TASP1: variants seen among roughly 807,000 people sequenced by gnomAD.
TASP1 encodes threonine aspartase 1.
In TASP1, 16 loss-of-function variants were observed where a neutral mutation model predicts 56.6. That is an observed-to-expected ratio of 0.28 (90% CI 0.19 to 0.43). TASP1 has a LOEUF of 0.43. TASP1 is among the 20% of genes least tolerant of loss of function. The pLI, the probability that TASP1 is intolerant of heterozygous loss-of-function variation, is 1.00. For missense variants in TASP1, 393 were observed against 511.6 expected, an observed-to-expected ratio of 0.77 and a Z score of 2.24; for synonymous variants, 179 against 184.2, an observed-to-expected ratio of 0.97 and a Z score of 0.23.
At chr20:13,400,578 TA>T (rs1473015150) in intron 13 of TASP1, among the ~76,000 whole-genome samples, 1 of 152,198 alleles carries the variant, frequency 6.6e-6, no homozygotes, top group Non-Finnish European at 1.5e-5. Context: ...ACCCTCATCC[TA>T]AATTAAGTTT....
intron 4 of TASP1, among the ~76,000 whole-genome samples, chr20:13,588,646 T>G (rs1261130093): frequency 6.6e-6 from 1 of 152,108 alleles, no homozygotes; most frequent in African/African-American, 2.4e-5. Flanking sequence ...TAAAACACAT[T>G]GAAAAAATTT....
At chr20:13,256,045 G>T in the TASP1 span, among the ~76,000 whole-genome samples, 13 of 151,912 alleles carry the variant, frequency 8.6e-5, no homozygotes, top group African/African-American at 2.9e-4. Context: ...AGAGCATCAG[G>T]CTGGGAGTTC....
intron 2 of TASP1, among the ~76,000 whole-genome samples, chr20:13,629,608 AT>A (rs1358459701): frequency 6.6e-6 from 1 of 151,906 alleles, no homozygotes; most frequent in African/African-American, 2.4e-5. Context: ...CAGCAACATT[AT>A]TTTTAAAAAA....
At chr20:13,370,380 T>C in the TASP1 span, among the ~76,000 whole-genome samples, 22 of 152,282 alleles carry the variant, frequency 1.4e-4, no homozygotes, top group African/African-American at 4.1e-4. Flanking sequence ...TTTATTGGTC[T>C]GGAATCTTAT....
chr20:13,159,962 A>G, the TASP1 span: 1 of 1,487,798 alleles, frequency 6.7e-7, no homozygotes, highest in Non-Finnish European at 9.0e-7. Context: ...TCTTTTCCCA[A>G]CTAACCACTT....
At chr20:13,323,440 C>T in the TASP1 span, among the ~76,000 whole-genome samples, 1 of 152,130 alleles carries the variant, frequency 6.6e-6, no homozygotes, top group Non-Finnish European at 1.5e-5. Context: ...CAGTGTGTTA[C>T]CAAAGAGAAA....
chr20:13,495,896 A>C (rs1192918369), intron 10 of TASP1, among the ~76,000 whole-genome samples: 1 of 152,206 alleles, frequency 6.6e-6, no homozygotes, highest in South Asian at 2.1e-4. Context: ...TGTTTCATAT[A>C]GTCTCAGGAA....
At chr20:13,525,894 A>G (rs989421647) in intron 10 of TASP1, among the ~76,000 whole-genome samples, 3 of 152,186 alleles carry the variant, frequency 2.0e-5, no homozygotes, top group Non-Finnish European at 4.4e-5. Flanking sequence ...AGAGTATAAC[A>G]TGACAAGTTG....
At chr20:13,424,178 A>G (rs1016529716) in intron 12 of TASP1, among the ~76,000 whole-genome samples, 1 of 152,216 alleles carries the variant, frequency 6.6e-6, no homozygotes, top group Non-Finnish European at 1.5e-5. Context: ...TTTAAAATAA[A>G]TAGAGACATT....
At chr20:13,104,918 C>A in the TASP1 span, among the ~76,000 whole-genome samples, 2 of 151,610 alleles carry the variant, frequency 1.3e-5, no homozygotes, top group Non-Finnish European at 2.9e-5. Flanking sequence ...CTGCAAAAAA[C>A]AAAAACCTAA....
At chr20:13,398,705 A>G (rs1474985021) in intron 13 of TASP1, among the ~76,000 whole-genome samples, 1 of 152,242 alleles carries the variant, frequency 6.6e-6, no homozygotes, top group East Asian at 1.9e-4. Context: ...CAAAGACTCA[A>G]CAGTTAGACT....
chr20:13,287,851 C>T, the TASP1 span, among the ~76,000 whole-genome samples: 1 of 152,294 alleles, frequency 6.6e-6, no homozygotes, highest in East Asian at 1.9e-4. Flanking sequence ...CTTAAAACAA[C>T]AACCGTTTAT....
At chr20:13,440,231 G>A (rs1042191276) in intron 11 of TASP1, among the ~76,000 whole-genome samples, 1 of 152,122 alleles carries the variant, frequency 6.6e-6, no homozygotes, top group African/African-American at 2.4e-5. Context: ...GCTCTACAAA[G>A]TCTCAAAGAG....
chr20:13,326,975 G>A, the TASP1 span, among the ~76,000 whole-genome samples: 1 of 152,174 alleles, frequency 6.6e-6, no homozygotes, highest in African/African-American at 2.4e-5. Flanking sequence ...CAATCAGGAA[G>A]AGAAAGAAAT....
At chr20:13,131,243 A>G in the TASP1 span, among the ~76,000 whole-genome samples, 1 of 152,288 alleles carries the variant, frequency 6.6e-6, no homozygotes, top group Middle Eastern at 3.4e-3. Flanking sequence ...TTACCTTACT[A>G]CACCTTCTTT....
chr20:13,221,674 A>AGCCGCGCT, the TASP1 span: 1 of 1,022,882 alleles, frequency 9.8e-7, no homozygotes, highest in Non-Finnish European at 1.2e-6. Context: ...CCGAGGCGGG[A>AGCCGCGCT]GCCGCGCTGC....
chr20:13,477,986 A>G (rs897613441), intron 11 of TASP1, among the ~76,000 whole-genome samples: 1 of 152,180 alleles, frequency 6.6e-6, no homozygotes, highest in Non-Finnish European at 1.5e-5. Context: ...CTATCACATT[A>G]AAGTCTTGTT....
At chr20:13,494,678 T>C (rs997060369) in intron 10 of TASP1, among the ~76,000 whole-genome samples, 1 of 152,050 alleles carries the variant, frequency 6.6e-6, no homozygotes, top group East Asian at 1.9e-4. Flanking sequence ...TAACAGTCAC[T>C]GCAGAAACCA....
chr20:13,128,479 T>A, the TASP1 span, among the ~76,000 whole-genome samples: 1 of 152,174 alleles, frequency 6.6e-6, no homozygotes, highest in East Asian at 1.9e-4. Context: ...TAAGGGTTCA[T>A]CATCTCAACA....
Sources: allele counts gnomAD v4.1 joint callset (sites outside exome capture counted in the v4.1 genomes callset), GRCh38; gene constraint gnomAD v4.1.1; transcripts MANE v1.5; gene names NCBI Gene and HGNC (gene_info 2026-07-23, HGNC 2026-07-21).